The following TSPAN13 variants were observed in gnomAD, a reference collection of about 807,000 sequenced individuals.
TSPAN13 encodes tetraspanin 13.
TSPAN13 carries 18 observed loss-of-function variants against 26.9 expected under a neutral mutation model. The observed-to-expected ratio is 0.67, with a 90% CI of 0.46 to 0.99. TSPAN13 has a LOEUF of 0.99. Ranked by LOEUF, TSPAN13 falls within the 50% of genes least tolerant of loss-of-function variation. TSPAN13 has a pLI of 0.00. For synonymous variants in TSPAN13, 116 were observed against 98.4 expected (o/e 1.18, Z -1.06); for missense variants, 201 against 249.6 (o/e 0.81, Z 1.31).
Position 16,776,307 on chromosome 7 carries a change from ATCT to A in TSPAN13, c.165_167del (p.Phe55del). ...GGTCGGCGTGGTCATTGCAGTGGGC[ATCT>A]TCTTGTTCCTGATTGCTTTAGTGGG... is the stretch of plus-strand genomic sequence containing the variant. On this transcript the variant is annotated inframe_deletion, in exon 2 of 6. Transcript: ENST00000262067. 1.9e-6 allele frequency: 3 copies of A among 1,614,120 alleles called. No individual in the cohort carries two copies. Among genetic ancestry groups the A allele is most frequent in the Non-Finnish European group, 2.5e-6 (3 of 1,180,028 alleles).
chr7:16,769,717 A>G (rs1266946457), intron 1 of TSPAN13, among the ~76,000 whole-genome samples: 1 of 152,086 alleles, frequency 6.6e-6, no homozygotes, highest in Non-Finnish European at 1.5e-5. Context: ...TAATTTTTGA[A>G]TAATGAAAGC....
rs774130385 is a variant in TSPAN13 at position 16,753,953 on chromosome 7, A to C, written c.-15A>C. The C allele has an allele frequency of 6.2e-7, 1 of 1,611,740 alleles. No homozygotes were observed. The highest frequency in any genetic ancestry group is 2.2e-5 in the East Asian group (1 of 44,752). On this transcript the variant is annotated 5_prime_UTR_variant, in exon 1 of 6. Transcript: ENST00000262067. ...TCGAATTTACGTGCAGCTGCCGGCA[A>C]CCACAGGTTCCAAGATGGTTTGCGG...
intron 1 of TSPAN13, among the ~76,000 whole-genome samples, chr7:16,754,509 G>C (rs6461275): frequency 0.42 from 64,120 of 152,054 alleles, 13,888 homozygotes; most frequent in African/African-American, 0.48. Context: ...GTTAGCTCTT[G>C]GTACCCTCGG....
intron 1 of TSPAN13, among the ~76,000 whole-genome samples, chr7:16,768,496 GT>G (rs1209319655): frequency 6.6e-6 from 1 of 152,164 alleles, no homozygotes; most frequent in African/African-American, 2.4e-5. Flanking sequence ...ACCTCTTAGG[GT>G]TTTTGTGAAG....
chr7:16,757,278 A>G (rs1385509069), intron 1 of TSPAN13, among the ~76,000 whole-genome samples: 2 of 152,190 alleles, frequency 1.3e-5, no homozygotes, highest in Non-Finnish European at 2.9e-5. Context: ...AAAAATGAAA[A>G]TGATTTGGGA....
rs1208508253 is a variant in TSPAN13 at position 16,776,110 on chromosome 7, A to AGGTGCCTGAAGGAG, written c.64-88_64-87insGGGTGCCTGAAGGA. 3 of 1,113,620 alleles carry AGGTGCCTGAAGGAG rather than the reference A, an allele frequency of 2.7e-6. No individual in the cohort carries two copies. The African/African-American group carries it at 4.7e-5, about 17-fold the overall frequency. 69.0% of individuals were successfully genotyped at this position (1,113,620 alleles called of 1,614,324 possible). On this transcript the variant is annotated intron_variant, in intron 1 of 5. Transcript: ENST00000262067. ...AGTGCTTATTTGTAAGAGACTACGT[A>AGGTGCCTGAAGGAG]GGTGCCTGAAGGATATTGTTGATAT...
At chr7:16,771,063 G>A (rs994075846) in intron 1 of TSPAN13, among the ~76,000 whole-genome samples, 3 of 152,174 alleles carry the variant, frequency 2.0e-5, no homozygotes, top group Non-Finnish European at 2.9e-5. Flanking sequence ...GCTCTGCTAT[G>A]AAACCTAAAT....
chr7:16,753,836 C>A lies in TSPAN13; in HGVS notation c.-132C>A. 3 of 981,052 alleles carry A rather than the reference C, an allele frequency of 3.1e-6. No homozygotes were observed. Among genetic ancestry groups the A allele is most frequent in the Non-Finnish European group, 4.7e-6 (3 of 638,760 alleles). 60.8% of individuals were successfully genotyped at this position (981,052 alleles called of 1,614,324 possible). On this transcript the variant is annotated 5_prime_UTR_variant, in exon 1 of 6. Coordinates refer to ENST00000262067, the MANE Select transcript of TSPAN13 (RefSeq NM_014399.4). ...CGCGCCGCGCACTGCAGCCCCAGGC[C>A]CCGGCCCCCCACCCACGTCTGCGTT...
chr7:16,763,224 C>T (rs1370575196), intron 1 of TSPAN13, among the ~76,000 whole-genome samples: 5 of 152,136 alleles, frequency 3.3e-5, no homozygotes, highest in African/African-American at 7.2e-5. Flanking sequence ...AAGGAGTGCT[C>T]ATGTTTTTAA....
chr7:16,778,117 A>G (rs925295736), intron 4 of TSPAN13, among the ~76,000 whole-genome samples: 15 of 152,186 alleles, frequency 9.9e-5, no homozygotes, highest in Admixed American at 2.0e-4. Context: ...TCAAGGCCCT[A>G]TTGGACACAG....
At chr7:16,778,816 G>C (rs1485478955) in intron 4 of TSPAN13, among the ~76,000 whole-genome samples, 187 bp from the exon 5 acceptor site, 1 of 152,122 alleles carries the variant, frequency 6.6e-6, no homozygotes, top group Non-Finnish European at 1.5e-5. Context: ...GATTGTATAG[G>C]GTGTGTACAC....
chr7:16,763,952 T>G (rs1161806226), intron 1 of TSPAN13, among the ~76,000 whole-genome samples: 1 of 152,226 alleles, frequency 6.6e-6, no homozygotes, highest in Non-Finnish European at 1.5e-5. Context: ...AGTGTAGTGG[T>G]TTAATATTTC....
intron 1 of TSPAN13, among the ~76,000 whole-genome samples, chr7:16,773,113 T>C (rs1443116261): frequency 6.6e-6 from 1 of 151,584 alleles, no homozygotes; most frequent in African/African-American, 2.4e-5. Flanking sequence ...TTTTTTTGTG[T>C]GTCAGGGGGA....
chr7:16,755,303 A>T (rs1237723861), intron 1 of TSPAN13, among the ~76,000 whole-genome samples: 1 of 152,196 alleles, frequency 6.6e-6, no homozygotes, highest in African/African-American at 2.4e-5. Context: ...TGTGAACATG[A>T]CTGCAAGCTT....
At chr7:16,776,091 T>C in intron 1 of TSPAN13, 120 bp from the exon 2 acceptor site, 1 of 879,128 alleles carries the variant, frequency 1.1e-6, no homozygotes, top group South Asian at 2.2e-5. Context: ...TTTTAGTGCT[T>C]ATTTGTAAGA....
intron 1 of TSPAN13, among the ~76,000 whole-genome samples, chr7:16,764,313 C>T (rs1335169860): frequency 6.6e-6 from 1 of 152,116 alleles, no homozygotes; most frequent in African/African-American, 2.4e-5. Context: ...AGGTGTGAGC[C>T]ACCGCGCCTG....
chr7:16,779,021 C>T lies in TSPAN13; in HGVS notation c.445C>T (p.His149Tyr), dbSNP rs1193474073. The T allele has an allele frequency of 6.2e-7, 1 of 1,613,072 alleles. No homozygotes were observed. The highest frequency in any genetic ancestry group is 1.7e-5 in the Admixed American group (1 of 59,814). Residue 149 changes from histidine (H) to tyrosine (Y), a missense_variant, in exon 5 of 6, where the codon CAC (histidine) becomes TAC (tyrosine). Coordinates refer to ENST00000262067, the MANE Select transcript of TSPAN13 (RefSeq NM_014399.4). ...TCLASCVKSDHSCSPCAPIIG... is the reference protein window; with the variant it reads ...TCLASCVKSDYSCSPCAPIIG... ...GGTGCAGAGCTGTGTTAAAAGTGAC[C>T]ACTCGTGCTCGCCATGTGCTCCAAT...
In TSPAN13 at chr7:16,779,047, C is replaced by T. The variant is rs949375430; in HGVS notation, c.471C>T (p.Ile157=). The T allele has an allele frequency of 1.2e-6, 2 of 1,614,108 alleles. No homozygotes were observed. Among genetic ancestry groups the T allele is most frequent in the South Asian group, 1.1e-5 (1 of 91,074 alleles). The change falls in exon 5 of 6, where the codon ATC becomes ATT. Residue 157 remains isoleucine (I), a synonymous_variant. Coordinates refer to ENST00000262067, the MANE Select transcript of TSPAN13 (RefSeq NM_014399.4). ...ACTCGTGCTCGCCATGTGCTCCAAT[C>T]ATAGGAGAATATGCTGGAGAGGTTT... ...SDHSCSPCAP[I]IGEYAGEVLR...
Position 16,779,052 on chromosome 7 carries a change from G to C in TSPAN13, c.476G>C (p.Gly159Ala). Residue 159 changes from glycine (G) to alanine (A), a missense_variant, in exon 5 of 6, where the codon GGA (glycine) becomes GCA (alanine). Transcript: ENST00000262067. ...TGCTCGCCATGTGCTCCAATCATAGGAGAATATGCTGGAGAGGTTTTGAGA... is the reference window on the plus strand; with the variant it reads ...TGCTCGCCATGTGCTCCAATCATAGCAGAATATGCTGGAGAGGTTTTGAGA... Reference protein sequence around the residue: ...HSCSPCAPIIGEYAGEVLRFV... With the variant: ...HSCSPCAPIIAEYAGEVLRFV... The C allele has an allele frequency of 6.2e-7, 1 of 1,614,166 alleles. No homozygotes were observed. Among genetic ancestry groups the C allele is most frequent in the Non-Finnish European group, 8.5e-7 (1 of 1,180,010 alleles).
Sources: allele counts gnomAD v4.1 joint callset (sites outside exome capture counted in the v4.1 genomes callset), GRCh38; gene constraint gnomAD v4.1.1; transcripts MANE v1.5; gene names NCBI Gene and HGNC (gene_info 2026-07-23, HGNC 2026-07-21).